GRID2: variants seen among roughly 807,000 people sequenced by gnomAD.
GRID2 encodes glutamate ionotropic receptor delta type subunit 2, also known as glutamate receptor ionotropic, delta-2.
A neutral mutation model predicts 114.8 loss-of-function variants in GRID2; 33 were observed. The ratio of observed to expected loss-of-function variants is 0.29; its 90% CI spans 0.22 to 0.38. The LOEUF is 0.38. Among genes scored for constraint, GRID2 ranks in the 10% least tolerant of loss-of-function variants. The probability of loss-of-function intolerance (pLI) is 1.00; values close to 1 mark genes in which losing one functional copy is unlikely to be tolerated. For missense variants in GRID2, 1,184 were observed against 1,257.7 expected, an observed-to-expected ratio of 0.94 and a Z score of 0.89; for synonymous variants, 505 against 449.9, an observed-to-expected ratio of 1.12 and a Z score of -1.55.
At chr4:93,167,575 T>C (rs1337015288) in intron 4 of GRID2, among the ~76,000 whole-genome samples, 1 of 151,674 alleles carries the variant, frequency 6.6e-6, no homozygotes, top group Non-Finnish European at 1.5e-5. Flanking sequence ...CAACAGAAAA[T>C]GGCAAGAAAG....
intron 10 of GRID2, among the ~76,000 whole-genome samples, chr4:93,449,431 C>T (rs1722470405): frequency 6.6e-6 from 1 of 151,984 alleles, no homozygotes; most frequent in South Asian, 2.1e-4. Flanking sequence ...AATTTTCATT[C>T]TGATAGAGCA....
intron 2 of GRID2, among the ~76,000 whole-genome samples, chr4:93,021,971 T>G (rs929840985): frequency 2.6e-5 from 4 of 151,214 alleles, no homozygotes; most frequent in African/African-American, 4.8e-5. Flanking sequence ...GGTGCAAACA[T>G]AATTGCAGTT....
intron 14 of GRID2, among the ~76,000 whole-genome samples, chr4:93,724,344 C>T (rs1168209799): frequency 6.6e-6 from 1 of 152,162 alleles, no homozygotes; most frequent in African/African-American, 2.4e-5. Flanking sequence ...CTTTACAGAG[C>T]TAAGGTCATA....
At chr4:93,462,212 C>T (rs1723814791) in intron 11 of GRID2, among the ~76,000 whole-genome samples, 1 of 152,100 alleles carries the variant, frequency 6.6e-6, no homozygotes, top group Admixed American at 6.6e-5. Flanking sequence ...TGTGCCATGC[C>T]TGGCCTATGT....
chr4:93,159,072 T>C (rs74545923), intron 4 of GRID2, among the ~76,000 whole-genome samples: 4 of 151,680 alleles, frequency 2.6e-5, no homozygotes, highest in Admixed American at 6.6e-5. Context: ...TTTTTTTTTT[T>C]CTACTGGTGG....
chr4:92,724,526 A>G (rs567324134), intron 2 of GRID2, among the ~76,000 whole-genome samples: 1 of 152,330 alleles, frequency 6.6e-6, no homozygotes, highest in African/African-American at 2.4e-5. Context: ...CTAGATTTAT[A>G]GCATCCACCA....
At chr4:93,222,054 C>T (rs1445356328) in intron 6 of GRID2, among the ~76,000 whole-genome samples, 1 of 152,112 alleles carries the variant, frequency 6.6e-6, no homozygotes, top group Admixed American at 6.6e-5. Flanking sequence ...TTTTTTTCTC[C>T]TCTCTCCATC....
intron 2 of GRID2, among the ~76,000 whole-genome samples, chr4:92,964,598 C>A (rs1161023382): frequency 6.6e-6 from 1 of 152,012 alleles, no homozygotes; most frequent in African/African-American, 2.4e-5. Context: ...TCAATGCTTT[C>A]AGCTAGATCT....
At chr4:93,791,922 G>A (rs192827740) in intron 1 of GRID2, among the ~76,000 whole-genome samples, 25 of 152,196 alleles carry the variant, frequency 1.6e-4, no homozygotes, top group Admixed American at 3.3e-4. Flanking sequence ...TCCCTTTAAC[G>A]ATGAATAAGC....
At chr4:93,761,826 C>T (rs948166455) in intron 14 of GRID2, among the ~76,000 whole-genome samples, 2 of 152,106 alleles carry the variant, frequency 1.3e-5, no homozygotes, top group African/African-American at 4.8e-5. Flanking sequence ...ACCAACTGAT[C>T]ACTAAGAGAT....
chr4:93,455,938 T>A lies in GRID2; in HGVS notation c.1822T>A (p.Ser608Thr). ...AATGACGTCTACTACTCTCTACAAC[T>A]CCATGTGGTTTGTGTATGGATCTTT... is the stretch of plus-strand genomic sequence containing the variant. ...GSMTSTTLYNSMWFVYGSFVQ... is the reference protein window; with the variant it reads ...GSMTSTTLYNTMWFVYGSFVQ... Residue 608 changes from serine to threonine, a missense_variant, in exon 11 of 16, where the codon TCC becomes ACC. Physicochemically the swap from Ser to Thr is moderately conservative, Grantham distance 58 (BLOSUM62 1). Around this residue, in one of 3 missense-constraint regions of GRID2, gnomAD observed 717 missense variants for 796.9 expected, o/e 0.90. Transcript: ENST00000282020. 1 of 1,610,058 alleles carries A rather than the reference T, an allele frequency of 6.2e-7. No individual in the cohort carries two copies. Among genetic ancestry groups the A allele is most frequent in the Non-Finnish European group, 8.5e-7 (1 of 1,176,438 alleles).
intron 8 of GRID2, among the ~76,000 whole-genome samples, chr4:93,337,287 G>C (rs2149240578): frequency 6.6e-6 from 1 of 152,216 alleles, no homozygotes; most frequent in South Asian, 2.1e-4. Flanking sequence ...ACCTTCCGCA[G>C]TTTCATAAAT....
intron 1 of GRID2, among the ~76,000 whole-genome samples, chr4:92,478,727 T>C (rs899858397): frequency 6.6e-6 from 1 of 152,138 alleles, no homozygotes; most frequent in African/African-American, 2.4e-5. Context: ...TATATCTGAC[T>C]TCTTTTTTTC....
At chr4:92,392,350 C>T (rs1480515899) in intron 1 of GRID2, among the ~76,000 whole-genome samples, 3 of 151,928 alleles carry the variant, frequency 2.0e-5, no homozygotes, top group East Asian at 1.9e-4. Flanking sequence ...ACCATCCTGG[C>T]CATCATGGTG....
chr4:93,348,632 G>C (rs1286736725), intron 8 of GRID2, among the ~76,000 whole-genome samples: 2 of 152,020 alleles, frequency 1.3e-5, no homozygotes, highest in African/African-American at 4.8e-5. Context: ...GACTGTGCTG[G>C]GGTTACCTCT....
intron 10 of GRID2, among the ~76,000 whole-genome samples, chr4:93,435,281 C>A (rs1025715625): frequency 6.6e-6 from 1 of 152,244 alleles, no homozygotes; most frequent in Non-Finnish European, 1.5e-5. Context: ...AATTAATAAC[C>A]ATTCAATGGG....
intron 8 of GRID2, among the ~76,000 whole-genome samples, chr4:93,346,077 T>C (rs1210502637): frequency 6.6e-6 from 1 of 152,148 alleles, no homozygotes; most frequent in East Asian, 1.9e-4. Flanking sequence ...TCAGGTACTG[T>C]GATTCCCCCA....
At chr4:93,347,995 G>A (rs1323684850) in intron 8 of GRID2, among the ~76,000 whole-genome samples, 1 of 152,080 alleles carries the variant, frequency 6.6e-6, no homozygotes, top group Non-Finnish European at 1.5e-5. Flanking sequence ...GATTTAACAT[G>A]TCATGATAAA....
At chr4:93,553,636 C>T (rs533851827) in intron 13 of GRID2, among the ~76,000 whole-genome samples, 50 of 152,262 alleles carry the variant, frequency 3.3e-4, no homozygotes, top group African/African-American at 1.2e-3. Context: ...CTCTAAGATA[C>T]ACTTGTACAA....
Sources: gnomAD v4.1 joint callset for allele counts (sites outside exome capture counted in the v4.1 genomes callset) on GRCh38, gnomAD v4.1.1 for gene constraint, gnomAD v4.1.1 regional missense constraint, MANE v1.5 for transcripts, NCBI Gene and HGNC (gene_info 2026-07-23, HGNC 2026-07-21) for gene names.